The following PAX1 variants were observed in gnomAD, a reference collection of about 807,000 sequenced individuals.
PAX1 encodes paired box protein Pax-1.
PAX1 carries 18 observed loss-of-function variants against 35.6 expected under a neutral mutation model. The observed-to-expected ratio is 0.50, with a 90% CI of 0.35 to 0.75. PAX1 has a LOEUF of 0.75. Among genes scored for constraint, PAX1 ranks in the 30% least tolerant of loss-of-function variants. The pLI, the probability that PAX1 is intolerant of heterozygous loss-of-function variation, is 0.01. For synonymous variants in PAX1, 397 were observed against 305.2 expected (o/e 1.30, Z -3.14); for missense variants, 760 against 661.5 (o/e 1.15, Z -1.63).
chr20:21,709,418 T>C lies in PAX1; in HGVS notation c.1256T>C (p.Met419Thr), dbSNP rs1304438601. The C allele has an allele frequency of 6.5e-7, 1 of 1,540,844 alleles. No homozygotes were observed. Among genetic ancestry groups the C allele is most frequent in the South Asian group, 1.2e-5 (1 of 83,948 alleles). Residue 419 changes from methionine to threonine, a missense_variant, in exon 4 of 5, where the codon ATG (methionine) becomes ACG (threonine). This residue lies in a region of PAX1 where 490 missense variants were observed against 428.4 expected (regional missense o/e 1.14). Transcript: ENST00000613128. Reference sequence around the variant, plus strand: ...CATGGCGGGGAACTCGCGGCAGCAATGACCTTCAAGCATCCCAGCCGAGAA... The same window carrying C: ...CATGGCGGGGAACTCGCGGCAGCAACGACCTTCAAGCATCCCAGCCGAGAA... Reference protein sequence around the residue: ...AVHGGELAAAMTFKHPSREVA... With the variant: ...AVHGGELAAATTFKHPSREVA...
intron 4 of PAX1, among the ~76,000 whole-genome samples, chr20:21,714,029 G>A (rs546712685): frequency 6.6e-6 from 1 of 152,368 alleles, no homozygotes; most frequent in East Asian, 1.9e-4. Context: ...GCTGCTCTTC[G>A]CACTTGTGCG....
intron 4 of PAX1, among the ~76,000 whole-genome samples, chr20:21,713,891 G>T (rs1053239115): frequency 7.9e-5 from 12 of 152,228 alleles, no homozygotes; most frequent in Non-Finnish European, 1.5e-4. Flanking sequence ...CACTTAAAGC[G>T]CAACTGCCTC....
rs1985432452 is a variant in PAX1 at position 21,718,069 on chromosome 20, A to G, written c.*3507A>G. ...CAATGTACCCACTTTATTCTCGTGA[A>G]TGGATGTCTATTACCGAGGATTTAT... On this transcript the variant is annotated 3_prime_UTR_variant, in exon 5 of 5. Transcript: ENST00000613128. 1.3e-5 allele frequency: 2 copies of G among 152,206 alleles called. No individual in the cohort carries two copies. Among genetic ancestry groups the G allele is most frequent in the South Asian group, 4.1e-4 (2 of 4,830 alleles). The allele number at this position is 152,206 out of a possible 1,614,324, so 9.4% of individuals were successfully genotyped here.
chr20:21,705,848 G>T lies in PAX1; in HGVS notation c.136G>T (p.Gly46Cys). ...RAQRVSSPRL[G>C]RRGSRLSGAL... Reference sequence around the variant, plus strand: ...ACAGCGCGTCTCCAGCCCGCGGCTGGGCCGCCGCGGCTCTCGGCTCTCGGG... The same window carrying T: ...ACAGCGCGTCTCCAGCCCGCGGCTGTGCCGCCGCGGCTCTCGGCTCTCGGG... The change falls in exon 1 of 5, where the codon GGC (glycine) becomes TGC (cysteine). Residue 46 changes from glycine (G) to cysteine (C), a missense_variant. Physicochemically the swap from Gly to Cys is radical, Grantham distance 159. Coordinates refer to ENST00000613128, the MANE Select transcript of PAX1 (RefSeq NM_001257096.2). The T allele has an allele frequency of 2.2e-6, 3 of 1,372,070 alleles. No individual in the cohort carries two copies. Among genetic ancestry groups the T allele is most frequent in the African/African-American group, 3.0e-5 (2 of 65,806 alleles). 85.0% of individuals were successfully genotyped at this position (1,372,070 alleles called of 1,614,324 possible).
intron 4 of PAX1, among the ~76,000 whole-genome samples, chr20:21,711,344 A>G (rs17861040): frequency 0.011 from 1,617 of 152,368 alleles, 28 homozygotes; most frequent in African/African-American, 0.037. Flanking sequence ...GGTAACACAC[A>G]CAGTTCCTAA....
At chr20:21,714,429 G>A (rs138316800) in intron 4 of PAX1, 42 bp from the exon 5 acceptor site, 3 of 1,456,254 alleles carry the variant, frequency 2.1e-6, no homozygotes, top group East Asian at 2.5e-5. Flanking sequence ...GCACTGCGCG[G>A]CGCTAGGTAG....
chr20:21,709,246 G>T lies in PAX1; in HGVS notation c.1084G>T (p.Gly362Cys). ...TQSASTLSAV[G>C]GFLPACAYPA... ...GTCGGCCTCCACCCTCTCTGCCGTG[G>T]GCGGCTTTCTCCCCGCCTGCGCCTA... Residue 362 changes from glycine (G) to cysteine (C), a missense_variant, in exon 4 of 5, where the codon GGC becomes TGC. Gly to Cys is a radical substitution (Grantham distance 159). Coordinates refer to ENST00000613128, the MANE Select transcript of PAX1 (RefSeq NM_001257096.2). 1 of 1,606,712 alleles carries T rather than the reference G, an allele frequency of 6.2e-7. No individual in the cohort carries two copies. The highest frequency in any genetic ancestry group is 8.5e-7 in the Non-Finnish European group (1 of 1,179,700).
At chr20:21,710,079 TGG>T (rs1362440789) in intron 4 of PAX1, among the ~76,000 whole-genome samples, 6 of 13,204 alleles carry the variant, frequency 4.5e-4, no homozygotes, top group African/African-American at 9.6e-4. Context: ...TTGTGGGTGG[TGG>T]TGGTGGTGGG....
Position 21,716,942 on chromosome 20 carries a change from C to G in PAX1, c.*2380C>G, listed in dbSNP as rs1427646599. 6.6e-6 allele frequency: 1 copy of G among 152,200 alleles called. No homozygotes were observed. Among genetic ancestry groups the G allele is most frequent in the East Asian group, 1.9e-4 (1 of 5,182 alleles). 9.4% of individuals were successfully genotyped at this position (152,200 alleles called of 1,614,324 possible). On this transcript the variant is annotated 3_prime_UTR_variant, in exon 5 of 5. Transcript: ENST00000613128. Reference sequence around the variant, plus strand: ...CCCTTTCTGAAGGAATGAGAAGAATCTATATGACAACTTCTACCTTTGAGT... The same window carrying G: ...CCCTTTCTGAAGGAATGAGAAGAATGTATATGACAACTTCTACCTTTGAGT...
At chr20:21,714,165 G>C (rs991242411) in intron 4 of PAX1, among the ~76,000 whole-genome samples, 2 of 152,246 alleles carry the variant, frequency 1.3e-5, no homozygotes, top group Admixed American at 6.5e-5. Context: ...TTACTGAGCA[G>C]GTGGTGAGGG....
At chr20:21,713,719 T>C (rs1985271809) in intron 4 of PAX1, among the ~76,000 whole-genome samples, 1 of 152,096 alleles carries the variant, frequency 6.6e-6, no homozygotes, top group African/African-American at 2.4e-5. Context: ...TTGGGCCCCT[T>C]CCCAAGCCCC....
chr20:21,706,910 G>GTACCCC lies in PAX1; in HGVS notation c.766_771dup (p.Tyr256_Pro257dup). On this transcript the variant is annotated inframe_insertion, in exon 2 of 5. Coordinates refer to ENST00000613128, the MANE Select transcript of PAX1 (RefSeq NM_001257096.2). The surrounding 1 kb of genome is among the most constrained non-coding windows in gnomAD (Gnocchi z 5.3). ...CGCTGCCCTACAACCACATCTACCA[G>GTACCCC]TACCCCTACCCCAGTCCCGTGTCGC... The GTACCCC allele has an allele frequency of 6.2e-7, 1 of 1,613,290 alleles. No individual in the cohort carries two copies. Among genetic ancestry groups the GTACCCC allele is most frequent in the Non-Finnish European group, 8.5e-7 (1 of 1,179,940 alleles).
chr20:21,709,131 C>A (rs1204265362), intron 3 of PAX1, 91 bp from the exon 4 acceptor site: 6 of 986,816 alleles, frequency 6.1e-6, no homozygotes, highest in Admixed American at 1.7e-5. Flanking sequence ...CGTGGGGGAG[C>A]GATAATGGAC....
intron 4 of PAX1, among the ~76,000 whole-genome samples, chr20:21,712,892 G>C (rs1223789279): frequency 6.6e-6 from 1 of 151,962 alleles, no homozygotes; most frequent in African/African-American, 2.4e-5. Context: ...AATTGCAGTT[G>C]AATATTTAAA....
In PAX1 at chr20:21,714,805, C is replaced by T. The variant is rs1295673877; in HGVS notation, c.*243C>T. ...GGCTTCTCTGAACTTGGGTTTTAGA[C>T]TGCCGTACCCTCCTCACAATCCTTG... On this transcript the variant is annotated 3_prime_UTR_variant, in exon 5 of 5. Coordinates refer to ENST00000613128, the MANE Select transcript of PAX1 (RefSeq NM_001257096.2). The T allele has an allele frequency of 6.3e-7, 1 of 1,598,168 alleles. No individual in the cohort carries two copies. The highest frequency in any genetic ancestry group is 1.1e-5 in the South Asian group (1 of 91,042).
rs1261235827 is a variant in PAX1, at chr20:21,705,965, GGC to G, written c.256_257del (p.Ala86GlnfsTer49). The G allele has an allele frequency of 2.0e-6, 3 of 1,486,758 alleles. No individual in the cohort carries two copies. The highest frequency in any genetic ancestry group is 2.7e-6 in the Non-Finnish European group (3 of 1,127,548). The allele number at this position is 1,486,758 out of a possible 1,614,324, so 92.1% of individuals were successfully genotyped here. The stretch of plus-strand genomic sequence containing the variant: ...CAGCCCCGGCCACCCCGGCCACCCC[GGC>G]GCCAGGCAGCTGGCCGGCCCGCTCG... ...GPSPGHPGHP[G>X]ARQLAGPLAM... On this transcript the variant is annotated frameshift_variant, in exon 1 of 5. Transcript: ENST00000613128. LOFTEE classifies it high-confidence loss of function.
chr20:21,718,440 G>C lies in PAX1; in HGVS notation c.*3878G>C, dbSNP rs1985443703. 6.6e-6 allele frequency: 1 copy of C among 152,176 alleles called. No homozygotes were observed. Among genetic ancestry groups the C allele is most frequent in the Admixed American group, 6.5e-5 (1 of 15,282 alleles). 9.4% of individuals were successfully genotyped at this position (152,176 alleles called of 1,614,324 possible). On this transcript the variant is annotated 3_prime_UTR_variant, in exon 5 of 5. Coordinates refer to ENST00000613128, the MANE Select transcript of PAX1 (RefSeq NM_001257096.2). ...AGGCAGAGGGGTGCGGGAAAACCTT[G>C]TGTGAAGAAATACTGGCTACAAATA... is the stretch of plus-strand genomic sequence containing the variant.
At position 21,707,021 on chromosome 20, in the gene PAX1, C is replaced by T. The variant is rs756655133; in HGVS notation, c.870C>T (p.His290=). Residue 290 remains histidine (H), a synonymous_variant, in exon 2 of 5, where the codon CAC becomes CAT. Coordinates refer to ENST00000613128, the MANE Select transcript of PAX1 (RefSeq NM_001257096.2). The part of the protein sequence containing the change: ...VSIPRSWPSA[H]SVSNILGIRT... Reference sequence around the variant, plus strand: ...TCCCGCGCTCATGGCCCTCGGCACACTCGGTCAGCAACATCCTGGGCATCC... The same window carrying T: ...TCCCGCGCTCATGGCCCTCGGCACATTCGGTCAGCAACATCCTGGGCATCC... 140 of 1,612,980 alleles carry T rather than the reference C, an allele frequency of 8.7e-5. No homozygotes were observed. The highest frequency in any genetic ancestry group is 1.2e-4 in the Non-Finnish European group (139 of 1,180,028).
intron 2 of PAX1, 129 bp from the exon 3 acceptor site, chr20:21,708,429 A>C: frequency 9.8e-7 from 1 of 1,019,500 alleles, no homozygotes; most frequent in Non-Finnish European, 1.6e-6. Context: ...CTCCTGGTGG[A>C]GTGTCAGGCC....
Sources: gnomAD v4.1 joint callset for allele counts (sites outside exome capture counted in the v4.1 genomes callset) on GRCh38, gnomAD v4.1.1 for gene constraint, gnomAD v4.1.1 regional missense constraint, Gnocchi (gnomAD v3.1) non-coding constraint, MANE v1.5 for transcripts, NCBI Gene and HGNC (gene_info 2026-07-23, HGNC 2026-07-21) for gene names.